The following SCEL variants were observed in gnomAD, a reference collection of about 807,000 sequenced individuals.
SCEL encodes sciellin.
Under a neutral mutation model 117.6 loss-of-function variants are expected in SCEL, and 113 were observed. The observed-to-expected ratio is 0.96, with a 90% CI of 0.83 to 1.12. The LOEUF (loss-of-function observed/expected upper bound fraction) is 1.12, where lower values mean the gene tolerates loss of function less well. SCEL is among the 50% of genes most tolerant of loss of function. The pLI, the probability that SCEL is intolerant of heterozygous loss-of-function variation, is 0.00. For synonymous variants in SCEL, 270 were observed against 256.2 expected (o/e 1.05, Z -0.51); for missense variants, 785 against 810.8 (o/e 0.97, Z 0.39).
intron 9 of SCEL, among the ~76,000 whole-genome samples, chr13:77,587,046 TGC>T (rs1017162492): frequency 6.6e-6 from 1 of 151,958 alleles, no homozygotes; most frequent in Non-Finnish European, 1.5e-5. Flanking sequence ...CTCTTCTGCT[TGC>T]CTAGAAAACC....
In SCEL at chr13:77,627,933, A is replaced by G. The variant is rs367888060; in HGVS notation, c.1629-14A>G. The G allele has an allele frequency of 8.3e-7, 1 of 1,198,156 alleles. No homozygotes were observed. Among genetic ancestry groups the G allele is most frequent in the South Asian group, 1.5e-5 (1 of 67,124 alleles). The allele number at this position is 1,198,156 out of a possible 1,614,324, so 74.2% of individuals were successfully genotyped here. A position where few individuals can be genotyped will look rare whatever the true frequency, so the allele number is the denominator to read the frequency against. ...ATGTTGTAATTATTCATATATATAT[A>G]TTTTTTTCCTTAGAGACCAGAACCT... On this transcript the variant is annotated splice_polypyrimidine_tract_variant and intron_variant, in intron 27 of 32. Coordinates refer to ENST00000349847, the MANE Select transcript of SCEL (RefSeq NM_144777.3).
chr13:77,610,545 T>G (rs7995638), intron 22 of SCEL, among the ~76,000 whole-genome samples: 4,145 of 152,012 alleles, frequency 0.027, 159 homozygotes, highest in African/African-American at 0.094. Context: ...AGAAATCTAG[T>G]GTTCAAGCAC....
At chr13:77,537,767 A>G (rs1477924362) in intron 1 of SCEL, among the ~76,000 whole-genome samples, 1 of 152,238 alleles carries the variant, frequency 6.6e-6, no homozygotes, top group African/African-American at 2.4e-5. Context: ...GGGACTATGT[A>G]AACAAAACAA....
chr13:77,607,271 G>C (rs2088278817), intron 19 of SCEL, among the ~76,000 whole-genome samples: 1 of 152,106 alleles, frequency 6.6e-6, no homozygotes, highest in South Asian at 2.1e-4. Context: ...GTCTGGCCTG[G>C]ATCTCCTGGG....
chr13:77,548,458 C>T (rs1396172458), intron 1 of SCEL, among the ~76,000 whole-genome samples: 1 of 152,164 alleles, frequency 6.6e-6, no homozygotes, highest in African/African-American at 2.4e-5. Flanking sequence ...ATGGAAAGTT[C>T]TGGAGCATAA....
chr13:77,610,647 T>G (rs1002774347), intron 22 of SCEL, among the ~76,000 whole-genome samples: 2 of 152,188 alleles, frequency 1.3e-5, no homozygotes, highest in Non-Finnish European at 1.5e-5. Context: ...ATGCTGAGGA[T>G]TTCCTTAAAA....
At chr13:77,584,376 A>G (rs1308207901) in intron 9 of SCEL, among the ~76,000 whole-genome samples, 3 of 152,340 alleles carry the variant, frequency 2.0e-5, no homozygotes, top group Admixed American at 2.0e-4. Flanking sequence ...TCAACATGGC[A>G]TCGCCTGGCT....
intron 1 of SCEL, among the ~76,000 whole-genome samples, chr13:77,543,825 A>G (rs2154394235): frequency 6.6e-6 from 1 of 151,124 alleles, no homozygotes; most frequent in East Asian, 1.9e-4. Context: ...CTTCCTGTTG[A>G]CTCCTTTTTG....
Position 77,642,692 on chromosome 13 carries a change from A to AC in SCEL, c.1948-14_1948-13insC. ...TTTACAATGGAAACTTTATATATGT[A>AC]TTTTTTTCTTTAGTGTGAAATATGC... On this transcript the variant is annotated splice_polypyrimidine_tract_variant and intron_variant, in intron 31 of 32. Transcript: ENST00000349847. 6.9e-7 allele frequency: 1 copy of AC among 1,458,026 alleles called. No homozygotes were observed. The highest frequency in any genetic ancestry group is 2.3e-5 in the East Asian group (1 of 44,252). The allele number at this position is 1,458,026 out of a possible 1,614,324, so 90.3% of individuals were successfully genotyped here. A position where few individuals can be genotyped will look rare whatever the true frequency, so the allele number is the denominator to read the frequency against.
intron 20 of SCEL, 55 bp from the exon 21 acceptor site, chr13:77,608,999 ACAGT>A (rs1324663575): frequency 5.2e-5 from 70 of 1,337,468 alleles, no homozygotes; most frequent in African/African-American, 7.4e-5. Context: ...TTAAATCAAA[ACAGT>A]CAATTGATTT....
chr13:77,640,727 A>G lies in SCEL; in HGVS notation c.1890A>G (p.Val630=), dbSNP rs764664574. Reference sequence around the variant, plus strand: ...CTTACTGCCGAAAACCCTTGGGTGTAGAAACTAAAATGATTTTAGATGAAT... The same window carrying G: ...CTTACTGCCGAAAACCCTTGGGTGTGGAAACTAAAATGATTTTAGATGAAT... ...MCTYCRKPLG[V]ETKMILDELQ... Residue 630 remains valine (V), a synonymous_variant, in exon 31 of 33, where the codon GTA becomes GTG. Coordinates refer to ENST00000349847, the MANE Select transcript of SCEL (RefSeq NM_144777.3). 1.9e-6 allele frequency: 3 copies of G among 1,607,922 alleles called. No homozygotes were observed. The highest frequency in any genetic ancestry group is 2.6e-6 in the Non-Finnish European group (3 of 1,175,824).
At chr13:77,590,826 G>A (rs1173155051) in intron 10 of SCEL, among the ~76,000 whole-genome samples, 1 of 152,064 alleles carries the variant, frequency 6.6e-6, no homozygotes, top group Non-Finnish European at 1.5e-5. Context: ...AAGTAGGAAT[G>A]TATAAGTAGG....
At chr13:77,622,968 C>T (rs1395369622) in intron 27 of SCEL, among the ~76,000 whole-genome samples, 5 of 152,168 alleles carry the variant, frequency 3.3e-5, no homozygotes, top group Admixed American at 3.3e-4. Flanking sequence ...AGAATTAATT[C>T]CACCTGCCCA....
intron 27 of SCEL, among the ~76,000 whole-genome samples, chr13:77,625,837 A>G (rs2089702749): frequency 6.6e-6 from 1 of 152,238 alleles, no homozygotes; most frequent in Non-Finnish European, 1.5e-5. Flanking sequence ...CCCACTATTT[A>G]GGACCACGAG....
intron 23 of SCEL, 25 bp downstream of exon 23, chr13:77,612,966 A>G: frequency 7.1e-7 from 1 of 1,408,540 alleles, no homozygotes; most frequent in Non-Finnish European, 9.7e-7. Flanking sequence ...ATAATTGAAG[A>G]CTTCTTAGCA....
chr13:77,633,488 G>GAGTCACAT (rs1198947221), intron 28 of SCEL, among the ~76,000 whole-genome samples: 1 of 135,160 alleles, frequency 7.4e-6, no homozygotes, highest in Admixed American at 7.3e-5. Flanking sequence ...AACACAAAGA[G>GAGTCACAT]AGTCACATTG....
chr13:77,559,892 G>A (rs1435126201), intron 4 of SCEL, 29 bp downstream of exon 4: 2 of 1,582,090 alleles, frequency 1.3e-6, no homozygotes, highest in Non-Finnish European at 1.7e-6. Context: ...TACATCATGA[G>A]CAGAAACACA....
intron 9 of SCEL, among the ~76,000 whole-genome samples, chr13:77,577,305 G>A (rs916096432): frequency 3.3e-5 from 5 of 152,062 alleles, no homozygotes; most frequent in African/African-American, 1.2e-4. Context: ...CACCTTGCTG[G>A]GGAGGCCTCA....
rs771630604 is a variant in SCEL, at chr13:77,563,853, C to G, written c.244C>G (p.Pro82Ala). The G allele has an allele frequency of 6.3e-7, 1 of 1,596,682 alleles. No homozygotes were observed. Among genetic ancestry groups the G allele is most frequent in the East Asian group, 2.3e-5 (1 of 44,256 alleles). Residue 82 changes from proline to alanine, a missense_variant, in exon 5 of 33, where the codon CCA becomes GCA. Coordinates refer to ENST00000349847, the MANE Select transcript of SCEL (RefSeq NM_144777.3). The stretch of plus-strand genomic sequence containing the variant: ...CAGGAAAGTAAATGAGAGAGATGTG[C>G]CAAAAGCTACAATTAGTCGGTACAG... ...LDRKVNERDV[P>A]KATISRYSSD...
Sources: gnomAD v4.1 joint callset for allele counts (sites outside exome capture counted in the v4.1 genomes callset) on GRCh38, gnomAD v4.1.1 for gene constraint, MANE v1.5 for transcripts, NCBI Gene and HGNC (gene_info 2026-07-23, HGNC 2026-07-21) for gene names.